The following NBEA variants were observed in gnomAD, a reference collection of about 807,000 sequenced individuals.
The protein encoded by NBEA is neurobeachin.
In NBEA, 44 loss-of-function variants were observed where a neutral mutation model predicts 343.4. The ratio of observed to expected loss-of-function variants is 0.13; its 90% confidence interval spans 0.10 to 0.16. The LOEUF (loss-of-function observed/expected upper bound fraction) is 0.16, where lower values mean the gene tolerates loss of function less well. NBEA is among the 10% of genes least tolerant of loss of function. NBEA has a pLI of 1.00. For synonymous variants in NBEA, 1,175 were observed against 1,238.7 expected (o/e 0.95, Z 1.08); for missense variants, 2,555 against 3,631.3 (o/e 0.70, Z 7.62).
chr13:35,008,530 C>T (rs1276864398), intron 1 of NBEA, among the ~76,000 whole-genome samples: 1 of 152,054 alleles, frequency 6.6e-6, no homozygotes. Context: ...CATTTATTCC[C>T]CAAATATTTT....
At position 35,451,376 on chromosome 13, in the gene NBEA, C is replaced by A. The variant is rs534594074; in HGVS notation, c.6305-716C>A. ...TGACCTCGTGATCCGCCCACCTCGG[C>A]CTCCCAAAGTGCTGGGATTACAGGC... On this transcript the variant is annotated intron_variant, in intron 39 of 58. Transcript: ENST00000379939. 1.1e-3 allele frequency among the ~76,000 whole-genome samples: 167 copies of A among 152,338 alleles called. 2 individuals are homozygous for A. Among genetic ancestry groups the A allele is most frequent in the Non-Finnish European group, 1.2e-3 (85 of 68,030 alleles).
At chr13:35,113,586 C>CATCCATCTGTCT (rs1555307443) in intron 13 of NBEA, among the ~76,000 whole-genome samples, 1 of 146,694 alleles carries the variant, frequency 6.8e-6, no homozygotes, top group African/African-American at 2.5e-5. Flanking sequence ...CTCCTCCACT[C>CATCCATCTGTCT]ATCTATCTAT....
In NBEA at chr13:35,550,988, G is replaced by A. The variant is rs1458286207; in HGVS notation, c.6762G>A (p.Leu2254=). The A allele has an allele frequency of 8.7e-6, 14 of 1,611,272 alleles. No individual in the cohort carries two copies. Among genetic ancestry groups the A allele is most frequent in the African/African-American group, 1.3e-5 (1 of 74,828 alleles). Residue 2254 remains leucine (L), a synonymous_variant, in exon 43 of 59, where the codon TTG becomes TTA. Coordinates refer to ENST00000379939, the MANE Select transcript of NBEA (RefSeq NM_001385012.1). ...CAGTAAAAAAAGTTGTCTATAGCTT[G>A]CCTCGGGTTGGAGTAGGGACCAGCT... ...QATVKKVVYS[L]PRVGVGTSYG...
intron 1 of NBEA, among the ~76,000 whole-genome samples, chr13:35,037,545 G>A (rs2062490729): frequency 6.6e-6 from 1 of 152,044 alleles, no homozygotes; most frequent in African/African-American, 2.4e-5. Flanking sequence ...ACCCTTCTTG[G>A]GAAGGCTTTC....
intron 34 of NBEA, among the ~76,000 whole-genome samples, chr13:35,245,321 A>G (rs1436540887): frequency 1.3e-5 from 2 of 152,056 alleles, no homozygotes; most frequent in African/African-American, 4.8e-5. Flanking sequence ...GTGAGGTAGT[A>G]TTCCATTTAT....
At chr13:35,625,016 C>A in intron 48 of NBEA, among the ~76,000 whole-genome samples, 1 of 151,940 alleles carries the variant, frequency 6.6e-6, no homozygotes, top group Non-Finnish European at 1.5e-5. Context: ...AAAACTCACT[C>A]ACTTTATAAA....
At chr13:35,566,529 A>G (rs76719505) in intron 44 of NBEA, among the ~76,000 whole-genome samples, 3,927 of 152,258 alleles carry the variant, frequency 0.026, 169 homozygotes, top group African/African-American at 0.089. Context: ...GAGAGATGAG[A>G]CACACATGCA....
At chr13:35,374,104 A>G (rs1008112438) in intron 38 of NBEA, among the ~76,000 whole-genome samples, 10 of 152,196 alleles carry the variant, frequency 6.6e-5, no homozygotes, top group South Asian at 4.1e-4. Context: ...ACTAAACTTA[A>G]TCATTTCTAG....
At chr13:35,529,008 C>G (rs1234352917) in intron 41 of NBEA, among the ~76,000 whole-genome samples, 1 of 152,126 alleles carries the variant, frequency 6.6e-6, no homozygotes, top group South Asian at 2.1e-4. Flanking sequence ...GTTTACCCTT[C>G]TTTGGATTCC....
At chr13:35,436,646 C>G (rs148276254) in intron 39 of NBEA, among the ~76,000 whole-genome samples, 2,515 of 149,122 alleles carry the variant, frequency 0.017, 56 homozygotes, top group African/African-American at 0.06. Context: ...GGAGACGGAG[C>G]TTGCAGTGAG....
chr13:35,446,484 T>C (rs1362181163), intron 39 of NBEA, among the ~76,000 whole-genome samples: 1 of 152,166 alleles, frequency 6.6e-6, no homozygotes, highest in East Asian at 1.9e-4. Flanking sequence ...ACCTGTTGTT[T>C]CTAAGATATA....
chr13:35,149,662 G>C (rs2068649461), intron 18 of NBEA, among the ~76,000 whole-genome samples: 1 of 151,962 alleles, frequency 6.6e-6, no homozygotes, highest in African/African-American at 2.4e-5. Context: ...TAACTGGTTT[G>C]GTCAATGATG....
At chr13:35,572,395 A>C (rs1466217342) in intron 45 of NBEA, among the ~76,000 whole-genome samples, 1 of 152,234 alleles carries the variant, frequency 6.6e-6, no homozygotes, top group African/African-American at 2.4e-5. Context: ...AGTCCTACTA[A>C]TATTGACATG....
intron 44 of NBEA, among the ~76,000 whole-genome samples, chr13:35,560,051 TTATA>T (rs1468450121): frequency 6.6e-6 from 1 of 152,168 alleles, no homozygotes; most frequent in Non-Finnish European, 1.5e-5. Context: ...TCTAAGGACT[TTATA>T]TATATTTGCT....
At chr13:35,331,446 G>GAAC (rs1025674524) in intron 36 of NBEA, among the ~76,000 whole-genome samples, 10 of 151,910 alleles carry the variant, frequency 6.6e-5, no homozygotes, top group African/African-American at 2.4e-4. Context: ...TAATGCTGCT[G>GAAC]AACAACAGAA....
At chr13:34,966,007 A>G (rs897496135) in intron 1 of NBEA, among the ~76,000 whole-genome samples, 1 of 152,096 alleles carries the variant, frequency 6.6e-6, no homozygotes, top group African/African-American at 2.4e-5. Context: ...TTAAAGGTAT[A>G]CATCAATTAT....
At chr13:35,412,579 T>TA (rs1429413705) in intron 38 of NBEA, among the ~76,000 whole-genome samples, 1 of 152,134 alleles carries the variant, frequency 6.6e-6, no homozygotes, top group African/African-American at 2.4e-5. Context: ...ACCTCGTATT[T>TA]AGTCTGTGGC....
At chr13:35,044,626 G>C (rs1257561753) in intron 2 of NBEA, among the ~76,000 whole-genome samples, 3 of 151,448 alleles carry the variant, frequency 2.0e-5, no homozygotes, top group Non-Finnish European at 1.5e-5. Context: ...GTGTGTGTGT[G>C]TGTGTGTGTG....
intron 39 of NBEA, among the ~76,000 whole-genome samples, chr13:35,435,353 T>G (rs766357652): frequency 3.3e-5 from 5 of 152,294 alleles, no homozygotes; most frequent in Non-Finnish European, 7.4e-5. Flanking sequence ...TGGTAAAATT[T>G]GACTGGGGTC....
Sources: allele counts gnomAD v4.1 joint callset (sites outside exome capture counted in the v4.1 genomes callset), GRCh38; gene constraint gnomAD v4.1.1; transcripts MANE v1.5; gene names NCBI Gene and HGNC (gene_info 2026-07-23, HGNC 2026-07-21).